Variants in PRKCZ observed in about 807,000 individuals in gnomAD.
The protein encoded by PRKCZ is protein kinase C zeta.
PRKCZ carries 33 observed loss-of-function variants against 79.5 expected under a neutral mutation model. The ratio of observed to expected loss-of-function variants is 0.41; its 90% CI spans 0.31 to 0.55. The LOEUF is 0.55. Ranked by LOEUF, PRKCZ falls within the 20% of genes least tolerant of loss-of-function variation. The pLI, the probability that PRKCZ is intolerant of heterozygous loss-of-function variation, is 0.19. For synonymous variants in PRKCZ, 342 were observed against 320.9 expected (o/e 1.07, Z -0.70); for missense variants, 578 against 813.5 (o/e 0.71, Z 3.52).
chr1:2,104,072 G>T lies in PRKCZ; in HGVS notation c.335-31190G>T, dbSNP rs577077418. 2.0e-5 allele frequency among the ~76,000 whole-genome samples: 3 copies of T among 152,244 alleles called. No homozygotes were observed. The East Asian group carries it at 5.8e-4, about 29-fold the overall frequency. Reference sequence around the variant, plus strand: ...ATGAGGTTTTCTGGGGAGAGCAGGGGAGGGGGGTCTTCCAGGATGGTCCAG... The same window carrying T: ...ATGAGGTTTTCTGGGGAGAGCAGGGTAGGGGGGTCTTCCAGGATGGTCCAG... On this transcript the variant is annotated intron_variant, in intron 4 of 17. Coordinates refer to ENST00000378567, the MANE Select transcript of PRKCZ (RefSeq NM_002744.6).
intron 4 of PRKCZ, among the ~76,000 whole-genome samples, chr1:2,107,812 CCCCCAACA>C (rs1336168899): frequency 6.6e-6 from 1 of 151,620 alleles, no homozygotes. Flanking sequence ...GTGTCGGGAG[CCCCCAACA>C]CCCCAACAGC....
intron 4 of PRKCZ, among the ~76,000 whole-genome samples, chr1:2,120,697 G>A (rs545947613): frequency 3.3e-5 from 5 of 152,096 alleles, no homozygotes; most frequent in South Asian, 2.1e-4. Context: ...TTTCTTCTGC[G>A]TTGGTTTTTT....
chr1:2,052,679 A>T (rs918751709), intron 1 of PRKCZ, among the ~76,000 whole-genome samples: 1 of 151,822 alleles, frequency 6.6e-6, no homozygotes. Context: ...TGCCTCTCTG[A>T]GGGGACTGGC....
At chr1:2,169,237 G>A (rs778482034) in intron 10 of PRKCZ, 15 of 500,628 alleles carry the variant, frequency 3.0e-5, no homozygotes, top group South Asian at 6.2e-5. Context: ...CCTTCATTCC[G>A]GGGCCCACCC....
At chr1:2,077,174 C>T (rs957595311) in intron 4 of PRKCZ, among the ~76,000 whole-genome samples, 8 of 152,212 alleles carry the variant, frequency 5.3e-5, no homozygotes, top group Admixed American at 4.6e-4. Flanking sequence ...GTTTCGTCCA[C>T]GCTCACGTAT....
chr1:2,153,989 C>T (rs1378344606), intron 9 of PRKCZ, among the ~76,000 whole-genome samples: 2 of 152,362 alleles, frequency 1.3e-5, no homozygotes, highest in South Asian at 4.1e-4. Flanking sequence ...GCCAGCCCCA[C>T]GCAGGGCCTT....
rs1557742062 is a variant in PRKCZ at position 2,174,999 on chromosome 1, GT to G, written c.1485+171del. On this transcript the variant is annotated intron_variant, in intron 15 of 17. Coordinates refer to ENST00000378567, the MANE Select transcript of PRKCZ (RefSeq NM_002744.6). The surrounding 1 kb of genome is among the most constrained non-coding windows in gnomAD (Gnocchi z 6.2). The stretch of plus-strand genomic sequence containing the variant: ...GAGCTCTGTGTTCTGTGAATCGTCC[GT>G]TTTTACTCACACCTAACAAAATGAG... Among the ~76,000 whole-genome samples the G allele has an allele frequency of 6.6e-6, 1 of 152,128 alleles. No individual in the cohort carries two copies. The highest frequency in any genetic ancestry group is 1.9e-4 in the East Asian group (1 of 5,182).
chr1:2,126,322 A>G (rs991417257), intron 4 of PRKCZ, among the ~76,000 whole-genome samples: 1 of 152,152 alleles, frequency 6.6e-6, no homozygotes, highest in Non-Finnish European at 1.5e-5. Context: ...CCTGGGCTGC[A>G]GGGGCTGCCC....
At chr1:2,124,591 C>T (rs1248999814) in intron 4 of PRKCZ, among the ~76,000 whole-genome samples, 3 of 152,120 alleles carry the variant, frequency 2.0e-5, no homozygotes, top group Non-Finnish European at 4.4e-5. Flanking sequence ...CATCCTGACT[C>T]CAGCCTCGGA....
Position 2,082,300 on chromosome 1 carries a change from C to A in PRKCZ, c.334+22709C>A. On this transcript the variant is annotated intron_variant, in intron 4 of 17. Transcript: ENST00000378567. This position sits in a 1 kb window ranked among gnomAD's most constrained non-coding sequence, Gnocchi z 4.4. The stretch of plus-strand genomic sequence containing the variant: ...CGATCACACGTGCAGGAGCTGGGGG[C>A]TGCCAGAGCGGCTGTTCAAGATGGA... The A allele has an allele frequency of 2.2e-6, 1 of 445,340 alleles. No individual in the cohort carries two copies. The highest frequency in any genetic ancestry group is 1.6e-5 in the South Asian group (1 of 62,478). The allele number at this position is 445,340 out of a possible 1,614,324, so 27.6% of individuals were successfully genotyped here.
chr1:2,095,409 G>T (rs1414471728), intron 4 of PRKCZ, among the ~76,000 whole-genome samples: 1 of 152,134 alleles, frequency 6.6e-6, no homozygotes, highest in Non-Finnish European at 1.5e-5. Context: ...ATTGGTGGAG[G>T]AGGCCACAAC....
chr1:2,182,057 C>T (rs200673976), intron 16 of PRKCZ: 96 of 327,332 alleles, frequency 2.9e-4, no homozygotes, highest in Non-Finnish European at 6.8e-5. Flanking sequence ...TCCAGCCTTA[C>T]GTGGAAGGAT....
chr1:2,175,904 G>C (rs1436453206), intron 16 of PRKCZ, among the ~76,000 whole-genome samples: 1 of 152,192 alleles, frequency 6.6e-6, no homozygotes, highest in African/African-American at 2.4e-5. Context: ...CACATTGGCT[G>C]TTGGTTCCAC....
Position 2,050,708 on chromosome 1 carries a change from G to C in PRKCZ, c.71+7G>C, listed in dbSNP as rs992572442. ...TCAAGGCGCATTACGGGGGGTGAGC[G>C]GCGGAGAGGGCGGGGAGCGGCGCGG... On this transcript the variant is annotated splice_region_variant and intron_variant, in intron 1 of 17. Transcript: ENST00000378567. 1 of 1,219,272 alleles carries C rather than the reference G, an allele frequency of 8.2e-7. No homozygotes were observed. Among genetic ancestry groups the C allele is most frequent in the Non-Finnish European group, 1.0e-6 (1 of 977,560 alleles). 75.5% of individuals were successfully genotyped at this position (1,219,272 alleles called of 1,614,324 possible).
chr1:2,172,890 CGGG>C lies in PRKCZ; in HGVS notation c.1285+504_1285+506del, dbSNP rs1684710503. 1.3e-5 allele frequency among the ~76,000 whole-genome samples: 2 copies of C among 151,554 alleles called. No homozygotes were observed. Among genetic ancestry groups the C allele is most frequent in the South Asian group, 2.1e-4 (1 of 4,808 alleles). On this transcript the variant is annotated intron_variant, in intron 13 of 17. Transcript: ENST00000378567. This position sits in a 1 kb window ranked among gnomAD's most constrained non-coding sequence, Gnocchi z 7.8. ...TGCAGCCGTGTGTGCGTGTGTGAAA[CGGG>C]GACGTGGGCACGCGTGTGCAGCCGT...
At chr1:2,175,111 G>T in intron 15 of PRKCZ, 113 bp from the exon 16 acceptor site, 2 of 902,132 alleles carry the variant, frequency 2.2e-6, no homozygotes, top group Non-Finnish European at 1.8e-6. Context: ...CCACCACCTG[G>T]GTCAGAGCAT....
At chr1:2,144,761 C>A in intron 6 of PRKCZ, 3 of 536,108 alleles carry the variant, frequency 5.6e-6, no homozygotes, top group Non-Finnish European at 7.3e-6. Context: ...GGAAGCCATG[C>A]CCAGCCTGTG....
chr1:2,173,890 C>T lies in PRKCZ; in HGVS notation c.1286-7C>T. ...CCACTCGGTGATGGCTGTGTGCTCT[C>T]CCCCAGGGTTCAGCGTGGACTGGTG... On this transcript the variant is annotated splice_region_variant and splice_polypyrimidine_tract_variant and intron_variant, in intron 13 of 17. Coordinates refer to ENST00000378567, the MANE Select transcript of PRKCZ (RefSeq NM_002744.6). This position sits in a 1 kb window ranked among gnomAD's most constrained non-coding sequence, Gnocchi z 5.7. 3 of 1,598,750 alleles carry T rather than the reference C, an allele frequency of 1.9e-6. No individual in the cohort carries two copies. The highest frequency in any genetic ancestry group is 1.1e-5 in the South Asian group (1 of 89,154).
In PRKCZ at chr1:2,095,582, C is replaced by T. The variant is rs771044234; in HGVS notation, c.334+35991C>T. 3.7e-4 allele frequency among the ~76,000 whole-genome samples: 57 copies of T among 152,050 alleles called. 1 individual carries two copies. Among genetic ancestry groups the T allele is most frequent in the African/African-American group, 1.4e-3 (57 of 41,342 alleles). On this transcript the variant is annotated intron_variant, in intron 4 of 17. Coordinates refer to ENST00000378567, the MANE Select transcript of PRKCZ (RefSeq NM_002744.6). The stretch of plus-strand genomic sequence containing the variant: ...GAGGATTCGCGCTTTGCGTCAGATG[C>T]GTGCGTCCTGCATGGGTGGTGCCGG...
Sources: allele counts gnomAD v4.1 joint callset (sites outside exome capture counted in the v4.1 genomes callset), GRCh38; gene constraint gnomAD v4.1.1; non-coding constraint Gnocchi (gnomAD v3.1); transcripts MANE v1.5; gene names NCBI Gene and HGNC (gene_info 2026-07-23, HGNC 2026-07-21).